Variants in GALNT13 observed in about 807,000 individuals in gnomAD.
The protein encoded by GALNT13 is polypeptide N-acetylgalactosaminyltransferase 13.
In GALNT13, 28 loss-of-function variants were observed where a neutral mutation model predicts 64.2. That is an observed-to-expected ratio of 0.44 (90% CI 0.32 to 0.60). The LOEUF (loss-of-function observed/expected upper bound fraction) is 0.60. GALNT13 is among the 20% of genes least tolerant of loss of function. The probability of loss-of-function intolerance (pLI) is 0.05; values close to 1 mark genes in which losing one functional copy is unlikely to be tolerated. For missense variants in GALNT13, 577 were observed against 669.8 expected (o/e 0.86, Z 1.53); for synonymous variants, 214 against 224.6 (o/e 0.95, Z 0.42).
chr2:153,877,610 G>A (rs1286180735), intron 1 of GALNT13, among the ~76,000 whole-genome samples: 2 of 151,868 alleles, frequency 1.3e-5, no homozygotes, highest in Non-Finnish European at 2.9e-5. Flanking sequence ...TAGCTTAGAA[G>A]CATAATAACT....
At chr2:154,389,769 A>G (rs906952779) in intron 9 of GALNT13, among the ~76,000 whole-genome samples, 1 of 152,214 alleles carries the variant, frequency 6.6e-6, no homozygotes, top group African/African-American at 2.4e-5. Context: ...TCTCAAATCC[A>G]TATCCTCAAT....
intron 4 of GALNT13, among the ~76,000 whole-genome samples, chr2:154,221,628 T>C (rs2105823235): frequency 6.6e-6 from 1 of 152,210 alleles, no homozygotes; most frequent in South Asian, 2.1e-4. Flanking sequence ...TTGAGGCTTC[T>C]AGTAACAGAT....
At chr2:153,479,670 C>T in the GALNT13 span, among the ~76,000 whole-genome samples, 13 of 152,192 alleles carry the variant, frequency 8.5e-5, no homozygotes, top group African/African-American at 2.9e-4. Flanking sequence ...GGGAATTGCT[C>T]ATCAACATCC....
chr2:153,520,217 G>T, the GALNT13 span, among the ~76,000 whole-genome samples: 8 of 152,202 alleles, frequency 5.3e-5, no homozygotes, highest in African/African-American at 7.2e-5. Context: ...AGGCAGTAAG[G>T]TACCTTAAGG....
chr2:153,562,879 T>C, the GALNT13 span, among the ~76,000 whole-genome samples: 1 of 152,162 alleles, frequency 6.6e-6, no homozygotes, highest in Non-Finnish European at 1.5e-5. Flanking sequence ...AGTCCAGTAG[T>C]TTTACTAGAA....
chr2:153,270,726 C>G, the GALNT13 span, among the ~76,000 whole-genome samples: 2 of 152,090 alleles, frequency 1.3e-5, no homozygotes, highest in Admixed American at 1.3e-4. Flanking sequence ...TGGCACACCC[C>G]TTGTAGACTG....
chr2:154,043,455 T>TATATATATATATATATATATACAC (rs1341373277), intron 3 of GALNT13, among the ~76,000 whole-genome samples: 1 of 104,996 alleles, frequency 9.5e-6, no homozygotes, highest in Non-Finnish European at 1.8e-5. Context: ...TATATATATA[T>TATATATATATATATATATATACAC]ACACACATGT....
At chr2:154,244,230 A>T (rs1319263223) in intron 6 of GALNT13, among the ~76,000 whole-genome samples, 2 of 152,090 alleles carry the variant, frequency 1.3e-5, no homozygotes, top group Non-Finnish European at 2.9e-5. Flanking sequence ...GATGAACCCT[A>T]TTGTCTTGAC....
the GALNT13 span, among the ~76,000 whole-genome samples, chr2:153,494,589 C>G: frequency 6.6e-6 from 1 of 151,904 alleles, no homozygotes; most frequent in Non-Finnish European, 1.5e-5. Flanking sequence ...TTACCTCATA[C>G]TGTGCTAAAA....
chr2:153,557,869 A>G, the GALNT13 span, among the ~76,000 whole-genome samples: 2 of 152,092 alleles, frequency 1.3e-5, no homozygotes, highest in Non-Finnish European at 2.9e-5. Context: ...TTATTCCCAC[A>G]GTCCCCTCGG....
the GALNT13 span, among the ~76,000 whole-genome samples, chr2:153,733,707 G>A: frequency 4.6e-5 from 7 of 152,258 alleles, no homozygotes; most frequent in African/African-American, 1.7e-4. Flanking sequence ...ATGGTTATTG[G>A]CAGTAACGTG....
the GALNT13 span, among the ~76,000 whole-genome samples, chr2:153,691,476 G>A: frequency 6.7e-3 from 1,023 of 152,178 alleles, 10 homozygotes; most frequent in African/African-American, 0.023. Context: ...TCCACTGACA[G>A]TGTCAGAATA....
chr2:153,805,659 G>T, the GALNT13 span, among the ~76,000 whole-genome samples: 2 of 152,018 alleles, frequency 1.3e-5, no homozygotes, highest in East Asian at 1.9e-4. Flanking sequence ...GCGAGGTGGG[G>T]ATTATAGGAA....
the GALNT13 span, among the ~76,000 whole-genome samples, chr2:153,730,631 TA>T: frequency 6.6e-6 from 1 of 151,766 alleles, no homozygotes; most frequent in Admixed American, 6.6e-5. Context: ...AGGGATAAAA[TA>T]TTTGTAAACT....
intron 3 of GALNT13, among the ~76,000 whole-genome samples, chr2:154,089,829 G>A (rs62171162): frequency 2.3e-5 from 3 of 131,390 alleles, no homozygotes; most frequent in African/African-American, 5.9e-5. Context: ...TTTTTTTTTG[G>A]TATAACCTTC....
At chr2:153,325,119 T>TGTTTTTGTTTTTG in the GALNT13 span, among the ~76,000 whole-genome samples, 10 of 20,766 alleles carry the variant, frequency 4.8e-4, no homozygotes, top group East Asian at 9.8e-4. Context: ...CCTGGGTTTT[T>TGTTTTTGTTTTTG]TTTTTTTTTT....
the GALNT13 span, among the ~76,000 whole-genome samples, chr2:153,178,732 C>CTTTT: frequency 3.6e-3 from 352 of 98,368 alleles, 1 homozygote; most frequent in East Asian, 0.02. Context: ...TTCTCTTCTT[C>CTTTT]TTTTTTTTTT....
intron 2 of GALNT13, among the ~76,000 whole-genome samples, chr2:153,912,780 A>C (rs1689049572): frequency 6.6e-6 from 1 of 152,160 alleles, no homozygotes; most frequent in Admixed American, 6.5e-5. Flanking sequence ...AACCTGTTGC[A>C]CAGGATAGGC....
At chr2:154,231,398 G>A (rs2105846264) in intron 4 of GALNT13, among the ~76,000 whole-genome samples, 1 of 152,146 alleles carries the variant, frequency 6.6e-6, no homozygotes, top group African/African-American at 2.4e-5. Context: ...CACCTTAGAA[G>A]AACTCATGTT....
Sources: allele counts gnomAD v4.1 joint callset (sites outside exome capture counted in the v4.1 genomes callset), GRCh38; gene constraint gnomAD v4.1.1; transcripts MANE v1.5; gene names NCBI Gene and HGNC (gene_info 2026-07-23, HGNC 2026-07-21).